Variants in NEGR1 observed in about 807,000 individuals in gnomAD.
NEGR1 encodes neuronal growth regulator 1, also known as IgLON family member 4.
NEGR1 carries 10 observed loss-of-function variants against 40.9 expected under a neutral mutation model. The observed-to-expected ratio is 0.24, with a 90% CI of 0.15 to 0.42. The LOEUF is 0.42. Ranked by LOEUF, NEGR1 falls within the 10% of genes least tolerant of loss-of-function variation. The pLI is 1.00. For missense variants in NEGR1, 352 were observed against 438.9 expected (o/e 0.80, Z 1.77); for synonymous variants, 185 against 166.8 (o/e 1.11, Z -0.84).
At position 71,398,862 on chromosome 1, in the gene NEGR1, G is replaced by A. The variant is rs373475521; in HGVS notation, c.*8584C>T. ...AGCAGGTCTTTCCCATGCTGTTCTT[G>A]TGATAGTGAATGGGTCTCATGAGAT... On this transcript the variant is annotated 3_prime_UTR_variant, in exon 7 of 7. Transcript: ENST00000357731. 2.0e-5 allele frequency: 3 copies of A among 152,224 alleles called. No individual in the cohort carries two copies. Among genetic ancestry groups the A allele is most frequent in the Admixed American group, 6.5e-5 (1 of 15,286 alleles). 9.4% of individuals were successfully genotyped at this position (152,224 alleles called of 1,614,324 possible). A position where few individuals can be genotyped will look rare whatever the true frequency, so the allele number is the denominator to read the frequency against.
At chr1:71,941,327 T>C (rs1645957269) in intron 1 of NEGR1, among the ~76,000 whole-genome samples, 1 of 149,620 alleles carries the variant, frequency 6.7e-6, no homozygotes, top group South Asian at 2.1e-4. Context: ...ACCATCTTTC[T>C]CCCCTACCTT....
At chr1:71,994,065 T>C (rs532014810) in intron 1 of NEGR1, among the ~76,000 whole-genome samples, 1 of 152,202 alleles carries the variant, frequency 6.6e-6, no homozygotes, top group South Asian at 2.1e-4. Context: ...ACTCTGTTGT[T>C]TAAGGAATGT....
intron 6 of NEGR1, among the ~76,000 whole-genome samples, chr1:71,457,139 C>T (rs1450146865): frequency 1.3e-5 from 2 of 152,158 alleles, no homozygotes; most frequent in African/African-American, 4.8e-5. Flanking sequence ...AGGCATCTCA[C>T]TTCTACCCTT....
intron 1 of NEGR1, among the ~76,000 whole-genome samples, chr1:72,138,423 CAA>C (rs1557545791): frequency 6.6e-6 from 1 of 151,748 alleles, no homozygotes; most frequent in Non-Finnish European, 1.5e-5. Context: ...GATTCAGAGG[CAA>C]AGATTGTCAA....
At chr1:72,255,723 T>C (rs1439261453) in intron 1 of NEGR1, among the ~76,000 whole-genome samples, 1 of 151,992 alleles carries the variant, frequency 6.6e-6, no homozygotes, top group Admixed American at 6.6e-5. Flanking sequence ...GCAATTCTTT[T>C]GTATTTTAGT....
intron 1 of NEGR1, among the ~76,000 whole-genome samples, chr1:72,111,811 T>A (rs1252101568): frequency 1.3e-5 from 2 of 151,780 alleles, no homozygotes; most frequent in Non-Finnish European, 2.9e-5. Flanking sequence ...AAAGAGGAAA[T>A]GGAGAGAATG....
intron 2 of NEGR1, among the ~76,000 whole-genome samples, chr1:71,857,626 C>CCA (rs1659820285): frequency 1.9e-5 from 1 of 53,440 alleles, no homozygotes; most frequent in African/African-American, 7.5e-5. Context: ...GATCCTGTCT[C>CCA]AAAAAAAAAA....
intron 1 of NEGR1, among the ~76,000 whole-genome samples, chr1:72,227,547 G>C (rs1654231355): frequency 6.6e-6 from 1 of 152,016 alleles, no homozygotes; most frequent in Non-Finnish European, 1.5e-5. Flanking sequence ...ATATTACCAG[G>C]AGTAAGAGAG....
intron 1 of NEGR1, among the ~76,000 whole-genome samples, chr1:71,940,675 T>C (rs1039192091): frequency 2.6e-5 from 4 of 152,158 alleles, no homozygotes; most frequent in Admixed American, 1.3e-4. Flanking sequence ...TGAAGTCCCA[T>C]TGGGTGAGAT....
intron 4 of NEGR1, among the ~76,000 whole-genome samples, chr1:71,656,614 G>C (rs1557602059): frequency 6.6e-6 from 1 of 151,962 alleles, no homozygotes; most frequent in Admixed American, 6.6e-5. Flanking sequence ...GGGTTTCACC[G>C]TGGTCTCGAT....
intron 1 of NEGR1, among the ~76,000 whole-genome samples, chr1:72,196,137 C>T (rs1255372715): frequency 6.6e-6 from 1 of 151,968 alleles, no homozygotes; most frequent in Non-Finnish European, 1.5e-5. Context: ...AGTTGAACAT[C>T]CCAAATCTGA....
chr1:71,642,835 TC>T (rs1299793353), intron 4 of NEGR1, among the ~76,000 whole-genome samples: 4 of 151,998 alleles, frequency 2.6e-5, no homozygotes, highest in African/African-American at 9.7e-5. Flanking sequence ...AATGTGTATC[TC>T]CCTTATCTTT....
At chr1:71,804,351 G>C (rs1016365179) in intron 2 of NEGR1, among the ~76,000 whole-genome samples, 36 of 152,134 alleles carry the variant, frequency 2.4e-4, no homozygotes, top group Non-Finnish European at 4.4e-4. Context: ...CAGTTCTAAG[G>C]GATCTGCTGG....
At chr1:71,795,330 T>A (rs906599694) in intron 2 of NEGR1, among the ~76,000 whole-genome samples, 3 of 152,032 alleles carry the variant, frequency 2.0e-5, no homozygotes, top group African/African-American at 4.8e-5. Context: ...AAGCTGCAAC[T>A]TAACAAGATC....
chr1:71,778,765 C>T (rs1283628220), intron 2 of NEGR1, among the ~76,000 whole-genome samples: 1 of 152,058 alleles, frequency 6.6e-6, no homozygotes, highest in African/African-American at 2.4e-5. Flanking sequence ...ATTCCATCCT[C>T]GAAATACCAT....
intron 6 of NEGR1, among the ~76,000 whole-genome samples, chr1:71,512,880 A>G (rs1466799418): frequency 6.6e-6 from 1 of 152,212 alleles, no homozygotes; most frequent in Non-Finnish European, 1.5e-5. Context: ...ACGCCTGGCC[A>G]TACTATCCGA....
At chr1:72,063,257 C>T (rs1009599799) in intron 1 of NEGR1, among the ~76,000 whole-genome samples, 1 of 151,778 alleles carries the variant, frequency 6.6e-6, no homozygotes, top group Non-Finnish European at 1.5e-5. Context: ...TCTAAATTTC[C>T]TTGCAAGGTA....
intron 3 of NEGR1, among the ~76,000 whole-genome samples, chr1:71,706,856 C>T (rs772051599): frequency 7.2e-5 from 11 of 151,982 alleles, no homozygotes; most frequent in Non-Finnish European, 1.3e-4. Context: ...TACCCAGGTA[C>T]TACATTGAGG....
intron 1 of NEGR1, among the ~76,000 whole-genome samples, chr1:71,951,871 T>C (rs899530561): frequency 3.3e-5 from 5 of 151,966 alleles, no homozygotes; most frequent in Non-Finnish European, 7.4e-5. Context: ...TATTATTATA[T>C]GTTTTATGGT....
Sources: allele counts gnomAD v4.1 joint callset (sites outside exome capture counted in the v4.1 genomes callset), GRCh38; gene constraint gnomAD v4.1.1; transcripts MANE v1.5; gene names NCBI Gene and HGNC (gene_info 2026-07-23, HGNC 2026-07-21).